FMN1: variants seen among roughly 807,000 people sequenced by gnomAD.
FMN1 encodes the protein formin-1.
FMN1 carries 110 observed loss-of-function variants against 132.4 expected under a neutral mutation model. The ratio of observed to expected loss-of-function variants is 0.83; its 90% CI spans 0.71 to 0.97. The LOEUF is 0.97. Among genes scored for constraint, FMN1 ranks in the 50% least tolerant of loss-of-function variants. The pLI, the probability that FMN1 is intolerant of heterozygous loss-of-function variation, is 0.00. For synonymous variants in FMN1, 722 were observed against 651.7 expected, an observed-to-expected ratio of 1.11 and a Z score of -1.64; for missense variants, 1,792 against 1,705.3, an observed-to-expected ratio of 1.05 and a Z score of -0.90.
chr15:32,814,733 T>C (rs2057997152), intron 17 of FMN1, among the ~76,000 whole-genome samples: 1 of 152,220 alleles, frequency 6.6e-6, no homozygotes, highest in African/African-American at 2.4e-5. Flanking sequence ...AGCACTAGTC[T>C]GAAGGTGTAT....
At chr15:32,868,081 TAC>T (rs1408669359) in intron 16 of FMN1, among the ~76,000 whole-genome samples, 1 of 152,238 alleles carries the variant, frequency 6.6e-6, no homozygotes, top group Admixed American at 6.5e-5. Context: ...GTAGTACATG[TAC>T]ACTCATGTAC....
intron 19 of FMN1, among the ~76,000 whole-genome samples, chr15:32,791,448 C>A (rs2057074706): frequency 6.6e-6 from 1 of 151,826 alleles, no homozygotes; most frequent in South Asian, 2.1e-4. Flanking sequence ...AATTATCTTT[C>A]CTTTATTTCA....
intron 7 of FMN1, among the ~76,000 whole-genome samples, chr15:32,991,068 C>A (rs2033404996): frequency 6.6e-6 from 1 of 152,132 alleles, no homozygotes; most frequent in Non-Finnish European, 1.5e-5. Flanking sequence ...TCAAAGAGAA[C>A]AGGTGAAGAA....
intron 7 of FMN1, among the ~76,000 whole-genome samples, chr15:32,985,040 G>A (rs4780059): frequency 1.4e-5 from 2 of 143,338 alleles, no homozygotes; most frequent in Admixed American, 6.9e-5. Context: ...CCCTTCTTCA[G>A]AATAAAATCC....
chr15:33,164,129 G>GA (rs1343990096), intron 3 of FMN1, among the ~76,000 whole-genome samples: 2 of 151,966 alleles, frequency 1.3e-5, no homozygotes, highest in African/African-American at 4.8e-5. Flanking sequence ...AAAGACTAAG[G>GA]AAAAAAGATT....
At chr15:32,911,851 A>G (rs1188359442) in intron 10 of FMN1, among the ~76,000 whole-genome samples, 3 of 152,140 alleles carry the variant, frequency 2.0e-5, no homozygotes, top group African/African-American at 7.2e-5. Flanking sequence ...CAGTAAAGAA[A>G]AATGCAGTTT....
intron 9 of FMN1, among the ~76,000 whole-genome samples, chr15:32,953,855 G>C (rs2061705993): frequency 1.3e-5 from 2 of 152,166 alleles, no homozygotes; most frequent in Non-Finnish European, 2.9e-5. Flanking sequence ...GTTTGAGTCT[G>C]GTTTGCAGTA....
rs1447218119 is a variant in FMN1 at position 32,765,845 on chromosome 15, T to C, written c.*8465A>G. The C allele has an allele frequency of 6.6e-6, 1 of 152,192 alleles. No homozygotes were observed. The highest frequency in any genetic ancestry group is 1.5e-5 in the Non-Finnish European group (1 of 68,038). 9.4% of individuals were successfully genotyped at this position (152,192 alleles called of 1,614,324 possible). A position where few individuals can be genotyped will look rare whatever the true frequency, so the allele number is the denominator to read the frequency against. ...ATTTTTATTATGTACAAATCAGTGT[T>C]GGTTCCTTCACTCTCTTTTTAAAAA... On this transcript the variant is annotated 3_prime_UTR_variant, in exon 21 of 21. Transcript: ENST00000616417.
intron 6 of FMN1, among the ~76,000 whole-genome samples, chr15:33,052,282 TATC>T (rs1425150183): frequency 2.0e-5 from 3 of 152,148 alleles, no homozygotes; most frequent in Non-Finnish European, 4.4e-5. Context: ...TTATTAAAAT[TATC>T]ATCAGCATGT....
intron 7 of FMN1, among the ~76,000 whole-genome samples, chr15:32,975,625 A>G (rs1332359272): frequency 6.6e-6 from 1 of 152,156 alleles, no homozygotes; most frequent in Non-Finnish European, 1.5e-5. Flanking sequence ...AACTCATAAA[A>G]CATCCAAATT....
intron 12 of FMN1, 119 bp downstream of exon 12, chr15:32,908,371 G>C: frequency 1.5e-6 from 1 of 666,430 alleles, no homozygotes; most frequent in South Asian, 1.8e-5. Flanking sequence ...TCACAGGAAT[G>C]ACGGTGTTGT....
At chr15:32,925,368 GATGT>G (rs1316398829) in intron 10 of FMN1, among the ~76,000 whole-genome samples, 1 of 152,290 alleles carries the variant, frequency 6.6e-6, no homozygotes, top group East Asian at 1.9e-4. Context: ...TAGCATCTAT[GATGT>G]ATTCTTCCAC....
At chr15:33,097,846 A>G (rs1169562319) in intron 4 of FMN1, among the ~76,000 whole-genome samples, 2 of 152,236 alleles carry the variant, frequency 1.3e-5, no homozygotes, top group Non-Finnish European at 2.9e-5. Flanking sequence ...TAGTAATTAC[A>G]ACAGCTTGAC....
chr15:32,952,415 C>G (rs1021554118), intron 9 of FMN1, among the ~76,000 whole-genome samples: 18 of 152,298 alleles, frequency 1.2e-4, no homozygotes, highest in African/African-American at 4.3e-4. Context: ...TTATATAAAT[C>G]TTTCTTTGTT....
At chr15:32,959,896 G>C (rs776127920) in intron 9 of FMN1, among the ~76,000 whole-genome samples, 1 of 152,186 alleles carries the variant, frequency 6.6e-6, no homozygotes, top group Admixed American at 6.5e-5. Flanking sequence ...AAGAACAAAA[G>C]TAAATTTAAT....
At position 33,185,614 on chromosome 15, in the gene FMN1, C is replaced by T. The variant is rs1965857884; in HGVS notation, c.-196-5352G>A. ...TTACACAGAGTTTCACTCTTGTTGC[C>T]CAGGCTGGAGTGCAGTGGCATGATC... is the stretch of plus-strand genomic sequence containing the variant. On this transcript the variant is annotated intron_variant, in intron 2 of 20. Coordinates refer to ENST00000616417, the MANE Select transcript of FMN1 (RefSeq NM_001277313.2). Among the ~76,000 whole-genome samples the T allele has an allele frequency of 2.2e-5, 3 of 137,710 alleles. No individual in the cohort carries two copies. In the South Asian group the frequency reaches 6.7e-4, roughly 31 times the overall value. 90.3% of individuals were successfully genotyped at this position (137,710 alleles called of 152,430 possible). A position where few individuals can be genotyped will look rare whatever the true frequency, so the allele number is the denominator to read the frequency against.
At chr15:33,040,031 G>C (rs910884637) in intron 6 of FMN1, among the ~76,000 whole-genome samples, 3 of 152,120 alleles carry the variant, frequency 2.0e-5, no homozygotes, top group African/African-American at 7.2e-5. Flanking sequence ...TGCTCAGCAT[G>C]GCATGCCATA....
intron 2 of FMN1, among the ~76,000 whole-genome samples, chr15:33,188,105 C>T (rs935197486): frequency 7.2e-5 from 11 of 151,980 alleles, no homozygotes; most frequent in African/African-American, 2.4e-4. Flanking sequence ...GAGGCCGAGG[C>T]GGGCAGATCA....
At chr15:32,946,090 G>T (rs928097189) in intron 9 of FMN1, among the ~76,000 whole-genome samples, 1 of 152,148 alleles carries the variant, frequency 6.6e-6, no homozygotes, top group Admixed American at 6.5e-5. Context: ...GGTAAAAAGA[G>T]AAAGATGAAA....
Sources: gnomAD v4.1 joint callset for allele counts (sites outside exome capture counted in the v4.1 genomes callset) on GRCh38, gnomAD v4.1.1 for gene constraint, MANE v1.5 for transcripts, NCBI Gene and HGNC (gene_info 2026-07-23, HGNC 2026-07-21) for gene names.